CHRM3: variants seen among roughly 807,000 people sequenced by gnomAD.
CHRM3 encodes muscarinic acetylcholine receptor M3.
Under a neutral mutation model 41.8 loss-of-function variants are expected in CHRM3, and 11 were observed. The ratio of observed to expected loss-of-function variants is 0.26; its 90% CI spans 0.17 to 0.44. The LOEUF is 0.44. CHRM3 is among the 20% of genes least tolerant of loss of function. CHRM3 has a pLI of 1.00. For missense variants in CHRM3, 571 were observed against 745.4 expected, an observed-to-expected ratio of 0.77 and a Z score of 2.72; for synonymous variants, 297 against 301.4, an observed-to-expected ratio of 0.99 and a Z score of 0.15.
intron 3 of CHRM3, among the ~76,000 whole-genome samples, chr1:239,591,752 G>C (rs937781152): frequency 6.6e-6 from 1 of 152,196 alleles, no homozygotes; most frequent in African/African-American, 2.4e-5. Flanking sequence ...TTGTGTCTGA[G>C]AACGCAGTAC....
intron 4 of CHRM3, among the ~76,000 whole-genome samples, chr1:239,650,741 T>C (rs922128587): frequency 4.6e-5 from 7 of 152,202 alleles, no homozygotes; most frequent in Non-Finnish European, 5.9e-5. Context: ...AGAGCAAATA[T>C]CTGCAGAGGC....
intron 6 of CHRM3, among the ~76,000 whole-genome samples, chr1:239,835,229 G>A (rs945390429): frequency 4.6e-5 from 7 of 152,176 alleles, no homozygotes; most frequent in South Asian, 2.1e-4. Flanking sequence ...CAGTCTTTCC[G>A]GATCCTCCGT....
intron 5 of CHRM3, among the ~76,000 whole-genome samples, chr1:239,682,633 T>A (rs566173299): frequency 6.6e-6 from 1 of 152,222 alleles, no homozygotes; most frequent in Non-Finnish European, 1.5e-5. Context: ...TGGTTAGGAT[T>A]CATTAAAAAA....
intron 1 of CHRM3, among the ~76,000 whole-genome samples, chr1:239,442,047 A>G (rs1663763949): frequency 6.6e-6 from 1 of 152,196 alleles, no homozygotes; most frequent in South Asian, 2.1e-4. Flanking sequence ...TGTACATAAT[A>G]TGTATCTCTT....
chr1:239,579,007 C>T (rs536745298), intron 3 of CHRM3, among the ~76,000 whole-genome samples: 2 of 152,152 alleles, frequency 1.3e-5, no homozygotes, highest in Non-Finnish European at 2.9e-5. Flanking sequence ...TCTCACTGTT[C>T]CATTACTAGA....
At chr1:239,788,698 A>G (rs1669105761) in intron 5 of CHRM3, among the ~76,000 whole-genome samples, 1 of 151,906 alleles carries the variant, frequency 6.6e-6, no homozygotes, top group African/African-American at 2.4e-5. Context: ...CCTGGGAGGC[A>G]GAGGTTGCAG....
In CHRM3 at chr1:239,909,299, G is replaced by T; in HGVS notation, c.*75G>T. 2.1e-6 allele frequency: 3 copies of T among 1,452,674 alleles called. No homozygotes were observed. Among genetic ancestry groups the T allele is most frequent in the Non-Finnish European group, 2.8e-6 (3 of 1,077,530 alleles). The allele number at this position is 1,452,674 out of a possible 1,614,324, so 90.0% of individuals were successfully genotyped here. On this transcript the variant is annotated 3_prime_UTR_variant, in exon 7 of 7. Transcript: ENST00000676153. ...ACCTTAGGAGGAGGAAGGCGAGGGCGGGGTGACTTCTGGTGATGATAAAAA... is the reference window on the plus strand; with the variant it reads ...ACCTTAGGAGGAGGAAGGCGAGGGCTGGGTGACTTCTGGTGATGATAAAAA...
At chr1:239,716,104 C>T (rs972362109) in intron 5 of CHRM3, among the ~76,000 whole-genome samples, 3 of 151,912 alleles carry the variant, frequency 2.0e-5, no homozygotes, top group East Asian at 1.9e-4. Context: ...AGAATTCAAA[C>T]GAGAAGTGGG....
At chr1:239,592,823 T>C (rs1039555237) in intron 3 of CHRM3, among the ~76,000 whole-genome samples, 1 of 151,932 alleles carries the variant, frequency 6.6e-6, no homozygotes, top group Non-Finnish European at 1.5e-5. Flanking sequence ...AGGTCCATGT[T>C]CTCATTCTGT....
chr1:239,733,158 C>T (rs12030687), intron 5 of CHRM3, among the ~76,000 whole-genome samples: 6,792 of 152,052 alleles, frequency 0.045, 179 homozygotes, highest in East Asian at 0.074. Context: ...ATCAGGTTGA[C>T]TAAATGTTCC....
chr1:239,900,787 T>C (rs1486711673), intron 6 of CHRM3, among the ~76,000 whole-genome samples: 1 of 152,192 alleles, frequency 6.6e-6, no homozygotes, highest in Non-Finnish European at 1.5e-5. Context: ...AACTAGGATT[T>C]CTTATGTGTG....
In CHRM3 at chr1:239,426,613, GA is replaced by G. The variant is rs547718912; in HGVS notation, c.-521+39393del. On this transcript the variant is annotated intron_variant, in intron 1 of 6. Coordinates refer to ENST00000676153, the MANE Select transcript of CHRM3 (RefSeq NM_001375978.1). ...ACAGAGAGCTATTTGTTAGACCTAT[GA>G]AAAAAAGTGGAATTCTGTTATTCTC... is the stretch of plus-strand genomic sequence containing the variant. 7.4e-4 allele frequency among the ~76,000 whole-genome samples: 113 copies of G among 152,176 alleles called. 1 individual carries two copies. The highest frequency in any genetic ancestry group is 4.3e-3 in the East Asian group (22 of 5,160).
intron 2 of CHRM3, among the ~76,000 whole-genome samples, chr1:239,540,042 T>C (rs1392805184): frequency 7.2e-5 from 11 of 152,076 alleles, no homozygotes; most frequent in Non-Finnish European, 1.5e-4. Flanking sequence ...CTAGGTGCAA[T>C]AGGGTTTATG....
At chr1:239,434,048 CA>C (rs1663041214) in intron 1 of CHRM3, among the ~76,000 whole-genome samples, 1 of 152,144 alleles carries the variant, frequency 6.6e-6, no homozygotes, top group African/African-American at 2.4e-5. Flanking sequence ...GGCTGTTGTC[CA>C]TAGTGGTTCA....
chr1:239,774,378 G>A (rs1667930353), intron 5 of CHRM3, among the ~76,000 whole-genome samples: 1 of 152,112 alleles, frequency 6.6e-6, no homozygotes, highest in Non-Finnish European at 1.5e-5. Flanking sequence ...GATGGGGTGG[G>A]TACTCAGAAC....
At chr1:239,441,755 A>G (rs549682083) in intron 1 of CHRM3, among the ~76,000 whole-genome samples, 1 of 152,320 alleles carries the variant, frequency 6.6e-6, no homozygotes, top group Non-Finnish European at 1.5e-5. Context: ...AGTTGTAGCT[A>G]CTAATTATAA....
intron 5 of CHRM3, among the ~76,000 whole-genome samples, chr1:239,733,163 T>C (rs1372047681): frequency 6.6e-6 from 1 of 152,072 alleles, no homozygotes; most frequent in Admixed American, 6.6e-5. Flanking sequence ...GTTGACTAAA[T>C]GTTCCCTGAG....
intron 6 of CHRM3, among the ~76,000 whole-genome samples, chr1:239,834,581 C>A (rs1007944818): frequency 2.6e-5 from 4 of 152,174 alleles, no homozygotes; most frequent in Non-Finnish European, 5.9e-5. Context: ...CCCCACTAAT[C>A]CAAATGCTCT....
intron 2 of CHRM3, among the ~76,000 whole-genome samples, chr1:239,539,502 G>C (rs1158916922): frequency 9.0e-6 from 1 of 111,496 alleles, no homozygotes; most frequent in Non-Finnish European, 2.2e-5. Flanking sequence ...TGCTATTATG[G>C]TTCTGCTAAA....
Sources: gnomAD v4.1 joint callset for allele counts (sites outside exome capture counted in the v4.1 genomes callset) on GRCh38, gnomAD v4.1.1 for gene constraint, MANE v1.5 for transcripts, NCBI Gene and HGNC (gene_info 2026-07-23, HGNC 2026-07-21) for gene names.